NLGN1: variants seen among roughly 807,000 people sequenced by gnomAD.
NLGN1 encodes neuroligin 1, also known as neuroligin-1.
In NLGN1, 12 loss-of-function variants were observed where a neutral mutation model predicts 65.5. The observed-to-expected ratio is 0.18, with a 90% CI of 0.12 to 0.30. The LOEUF (loss-of-function observed/expected upper bound fraction) is 0.30. Ranked by LOEUF, NLGN1 falls within the 10% of genes least tolerant of loss-of-function variation. NLGN1 has a pLI of 1.00. For missense variants in NLGN1, 750 were observed against 1,007.1 expected, an observed-to-expected ratio of 0.74 and a Z score of 3.46; for synonymous variants, 350 against 359.5, an observed-to-expected ratio of 0.97 and a Z score of 0.30.
intron 4 of NLGN1, among the ~76,000 whole-genome samples, chr3:173,949,037 A>G (rs1354865894): frequency 6.6e-6 from 1 of 152,186 alleles, no homozygotes; most frequent in African/African-American, 2.4e-5. Flanking sequence ...TTTTTTTTTA[A>G]CTATGGTCAA....
chr3:174,240,597 G>A (rs577339163), intron 4 of NLGN1, among the ~76,000 whole-genome samples: 45 of 152,154 alleles, frequency 3.0e-4, no homozygotes, highest in East Asian at 1.3e-3. Flanking sequence ...ACAAAAAATC[G>A]CACACCCAGT....
rs1242731066 is a variant in NLGN1, at chr3:173,840,051, A to G, written c.646+32219A>G. Among the ~76,000 whole-genome samples the G allele has an allele frequency of 4.6e-5, 7 of 152,322 alleles. No homozygotes were observed. The South Asian group carries it at 1.0e-3, about 23-fold the overall frequency. On this transcript the variant is annotated intron_variant, in intron 4 of 6. Coordinates refer to ENST00000457714, the Ensembl canonical transcript of NLGN1. ...CCACTGTGCTATTTTACAAATCGCA[A>G]CATCGACATATTCAAGGAACACATA... is the stretch of plus-strand genomic sequence containing the variant.
intron 2 of NLGN1, among the ~76,000 whole-genome samples, chr3:173,513,655 A>G (rs1733343601): frequency 6.6e-6 from 1 of 152,194 alleles, no homozygotes; most frequent in African/African-American, 2.4e-5. Context: ...GGTTTTCTTA[A>G]TGAAATATGT....
At position 173,806,537 on chromosome 3, in the gene NLGN1, T is replaced by A. The variant is rs994253975; in HGVS notation, c.494-1143T>A. ...TGTAATTTTGTTTCAATTGTGGGTA[T>A]AAGAGATCATGGGCTATTACATAAT... On this transcript the variant is annotated intron_variant, in intron 3 of 6. Coordinates refer to ENST00000457714, the Ensembl canonical transcript of NLGN1. 2.0e-5 allele frequency among the ~76,000 whole-genome samples: 3 copies of A among 152,250 alleles called. No individual in the cohort carries two copies. In the South Asian group the frequency reaches 6.2e-4, roughly 32 times the overall value.
intron 2 of NLGN1, among the ~76,000 whole-genome samples, chr3:173,463,999 T>TA (rs755486829): frequency 1.3e-4 from 19 of 151,316 alleles, no homozygotes; most frequent in South Asian, 2.1e-4. Context: ...TTCTAAATAT[T>TA]AAAAAAAAAC....
intron 2 of NLGN1, among the ~76,000 whole-genome samples, chr3:173,560,617 T>C (rs1386204116): frequency 6.6e-6 from 1 of 152,156 alleles, no homozygotes; most frequent in Non-Finnish European, 1.5e-5. Context: ...ACTAGATTCT[T>C]GGGTATATTC....
At chr3:173,632,849 G>T (rs9861899) in intron 3 of NLGN1, among the ~76,000 whole-genome samples, 2,520 of 116,146 alleles carry the variant, frequency 0.022, 18 homozygotes, top group Non-Finnish European at 0.029. Context: ...TTTTTTTTTT[G>T]TTTTTTTTTT....
intron 2 of NLGN1, among the ~76,000 whole-genome samples, chr3:173,590,781 T>A (rs771444229): frequency 6.6e-6 from 1 of 152,194 alleles, no homozygotes; most frequent in Non-Finnish European, 1.5e-5. Flanking sequence ...GGAGGAAGGA[T>A]TCTATTCAAA....
chr3:174,153,803 G>A (rs1337441485), intron 4 of NLGN1, among the ~76,000 whole-genome samples: 1 of 151,974 alleles, frequency 6.6e-6, no homozygotes, highest in African/African-American at 2.4e-5. Context: ...GATCAGCCTG[G>A]GAAACATAAT....
chr3:173,933,761 C>T (rs1744555104), intron 4 of NLGN1, among the ~76,000 whole-genome samples: 1 of 152,114 alleles, frequency 6.6e-6, no homozygotes, highest in South Asian at 2.1e-4. Flanking sequence ...TCCCATTAGG[C>T]AGTGACTAGG....
intron 3 of NLGN1, among the ~76,000 whole-genome samples, chr3:173,646,702 A>G (rs778622790): frequency 7.2e-5 from 11 of 152,212 alleles, no homozygotes; most frequent in Non-Finnish European, 1.5e-4. Flanking sequence ...GTTACACCTA[A>G]TAAGCCAAAA....
rs561585284 is a variant in NLGN1 at position 173,459,366 on chromosome 3, G to A, written c.-321+24288G>A. Among the ~76,000 whole-genome samples the A allele has an allele frequency of 3.9e-5, 6 of 152,192 alleles. No homozygotes were observed. In the East Asian group the frequency reaches 9.6e-4, roughly 24 times the overall value. On this transcript the variant is annotated intron_variant, in intron 2 of 6. Coordinates refer to ENST00000457714, the Ensembl canonical transcript of NLGN1. ...CACGTTTTTTCAGGTGCATGTATGTGTGCATGCACATACACATGTGAATTT... is the reference window on the plus strand; with the variant it reads ...CACGTTTTTTCAGGTGCATGTATGTATGCATGCACATACACATGTGAATTT...
chr3:173,752,703 G>A lies in NLGN1; in HGVS notation c.494-54977G>A, dbSNP rs1489332174. Reference sequence around the variant, plus strand: ...CATGGCAGGAAAACTAAACCACATTGAATGGGTCACCACTTTAAATATACT... The same window carrying A: ...CATGGCAGGAAAACTAAACCACATTAAATGGGTCACCACTTTAAATATACT... On this transcript the variant is annotated intron_variant, in intron 3 of 6. Transcript: ENST00000457714. Among the ~76,000 whole-genome samples, 6 of 152,054 alleles carry A rather than the reference G, an allele frequency of 3.9e-5. No individual in the cohort carries two copies. In the East Asian group the frequency reaches 1.2e-3, roughly 29 times the overall value.
At chr3:173,908,975 G>C (rs1739015341) in intron 4 of NLGN1, among the ~76,000 whole-genome samples, 1 of 151,974 alleles carries the variant, frequency 6.6e-6, no homozygotes, top group South Asian at 2.1e-4. Context: ...CTTAAACCCA[G>C]TGTCTTAAGA....
chr3:173,578,181 A>G (rs1745821607), intron 2 of NLGN1, among the ~76,000 whole-genome samples: 1 of 151,040 alleles, frequency 6.6e-6, no homozygotes, highest in Admixed American at 6.6e-5. Context: ...GTTTGCAGTG[A>G]GCTGAGATCG....
intron 4 of NLGN1, among the ~76,000 whole-genome samples, chr3:174,128,178 G>A (rs1275336374): frequency 6.6e-6 from 1 of 152,078 alleles, no homozygotes; most frequent in Non-Finnish European, 1.5e-5. Context: ...TTTTAATTTT[G>A]ATAGTCCCCT....
chr3:174,287,972 A>G (rs762731429), downstream of NLGN1, among the ~76,000 whole-genome samples: 5 of 151,594 alleles, frequency 3.3e-5, no homozygotes, highest in Admixed American at 3.3e-4. Context: ...AATGTTGTCT[A>G]CTATGGGTTA....
intron 3 of NLGN1, among the ~76,000 whole-genome samples, chr3:173,695,263 C>T (rs1351993854): frequency 6.6e-6 from 1 of 152,138 alleles, no homozygotes; most frequent in Non-Finnish European, 1.5e-5. Context: ...AATATTCTAA[C>T]AACCAAACAT....
intron 3 of NLGN1, among the ~76,000 whole-genome samples, chr3:173,752,943 A>G (rs1323007225): frequency 6.6e-6 from 1 of 151,992 alleles, no homozygotes; most frequent in Non-Finnish European, 1.5e-5. Flanking sequence ...CATCTACCCC[A>G]TCCCTTCCCT....
Sources: allele counts gnomAD v4.1 joint callset (sites outside exome capture counted in the v4.1 genomes callset), GRCh38; gene constraint gnomAD v4.1.1; transcripts MANE v1.5; gene names NCBI Gene and HGNC (gene_info 2026-07-23, HGNC 2026-07-21).